Variants in FAM131B observed in about 807,000 individuals in gnomAD.
FAM131B encodes the protein protein FAM131B.
In FAM131B, 19 loss-of-function variants were observed where a neutral mutation model predicts 42.0. The observed-to-expected ratio is 0.45, with a 90% CI of 0.32 to 0.66. The LOEUF is 0.66. FAM131B is among the 30% of genes least tolerant of loss of function. FAM131B has a pLI of 0.05. For missense variants in FAM131B, 370 were observed against 468.4 expected (o/e 0.79, Z 1.94); for synonymous variants, 183 against 177.6 (o/e 1.03, Z -0.24).
At chr7:143,362,765 T>TCGCCGC (rs559900593), upstream of FAM131B, 69 of 237,842 alleles carry the variant, frequency 2.9e-4, no homozygotes, top group South Asian at 6.1e-4. This position sits in a 1 kb window ranked among gnomAD's most constrained non-coding sequence, Gnocchi z 7.7. Context: ...GGCAGCTCCG[T>TCGCCGC]CGCCGCCGCC....
Position 143,358,465 on chromosome 7 carries a change from G to A in FAM131B, c.466+362C>T, listed in dbSNP as rs1803790325. Among the ~76,000 whole-genome samples, 1 of 152,152 alleles carries A rather than the reference G, an allele frequency of 6.6e-6. No homozygotes were observed. Among genetic ancestry groups the A allele is most frequent in the African/African-American group, 2.4e-5 (1 of 41,410 alleles). ...CAAATTCATGACTCGAAATGCTAAAGGGCAAAGGCTAAAAGAGATCCCCAA... is the reference window on the plus strand; with the variant it reads ...CAAATTCATGACTCGAAATGCTAAAAGGCAAAGGCTAAAAGAGATCCCCAA... On this transcript the variant is annotated intron_variant, in intron 5 of 6. Coordinates refer to ENST00000443739, the MANE Select transcript of FAM131B (RefSeq NM_001031690.3). This position sits in a 1 kb window ranked among gnomAD's most constrained non-coding sequence, Gnocchi z 4.7.
chr7:143,359,074 A>G lies in FAM131B; in HGVS notation c.269-50T>C. ...TCCTCCAGAATATCACACAATACCC[A>G]TAACCAGACCCTCCCAGTTCCTCCC... On this transcript the variant is annotated intron_variant, in intron 4 of 6. Transcript: ENST00000443739. This position sits in a 1 kb window ranked among gnomAD's most constrained non-coding sequence, Gnocchi z 5.4. 2 of 1,566,708 alleles carry G rather than the reference A, an allele frequency of 1.3e-6. No individual in the cohort carries two copies. Among genetic ancestry groups the G allele is most frequent in the Non-Finnish European group, 1.7e-6 (2 of 1,147,662 alleles).
the FAM131B span, among the ~76,000 whole-genome samples, chr7:143,370,448 C>T: frequency 7.2e-5 from 11 of 152,120 alleles, no homozygotes; most frequent in East Asian, 3.9e-4. Flanking sequence ...TGTTCCCAGA[C>T]GGTTATGGCA....
At chr7:143,370,450 G>C in the FAM131B span, among the ~76,000 whole-genome samples, 1 of 152,162 alleles carries the variant, frequency 6.6e-6, no homozygotes, top group Non-Finnish European at 1.5e-5. Context: ...TTCCCAGACG[G>C]TTATGGCATT....
the FAM131B span, among the ~76,000 whole-genome samples, chr7:143,370,875 G>C: frequency 6.6e-6 from 1 of 152,096 alleles, no homozygotes. Flanking sequence ...CCCTCTCTTG[G>C]GGTCTGGATT....
the FAM131B span, among the ~76,000 whole-genome samples, chr7:143,378,362 G>A: frequency 6.6e-6 from 1 of 152,140 alleles, no homozygotes; most frequent in African/African-American, 2.4e-5. Flanking sequence ...ATCCTTGGAG[G>A]CGCGTGAAGA....
chr7:143,381,464 G>A, the FAM131B span: 4 of 1,312,502 alleles, frequency 3.0e-6, no homozygotes, highest in African/African-American at 4.7e-5. Flanking sequence ...CGGGGCGCCG[G>A]GAGGGGGCGA....
In FAM131B at chr7:143,359,098, C is replaced by A; in HGVS notation, c.269-74G>T. 1 of 1,448,948 alleles carries A rather than the reference C, an allele frequency of 6.9e-7. No individual in the cohort carries two copies. The allele number at this position is 1,448,948 out of a possible 1,614,324, so 89.8% of individuals were successfully genotyped here. A position where few individuals can be genotyped will look rare whatever the true frequency, so the allele number is the denominator to read the frequency against. On this transcript the variant is annotated intron_variant, in intron 4 of 6. Coordinates refer to ENST00000443739, the MANE Select transcript of FAM131B (RefSeq NM_001031690.3). The surrounding 1 kb of genome is among the most constrained non-coding windows in gnomAD (Gnocchi z 5.4). Reference sequence around the variant, plus strand: ...CATAACCAGACCCTCCCAGTTCCTCCCACCCCAGCCCCATGAGGCTCCATC... The same window carrying A: ...CATAACCAGACCCTCCCAGTTCCTCACACCCCAGCCCCATGAGGCTCCATC...
chr7:143,381,659 G>T, the FAM131B span: 1 of 1,612,028 alleles, frequency 6.2e-7, no homozygotes, highest in Non-Finnish European at 8.5e-7. Flanking sequence ...CGGCCCTGTG[G>T]TGGCCCCAAA....
chr7:143,362,989 C>G (rs1804075672), upstream of FAM131B, among the ~76,000 whole-genome samples: 1 of 152,014 alleles, frequency 6.6e-6, no homozygotes, highest in African/African-American at 2.4e-5. The surrounding 1 kb of genome is among the most constrained non-coding windows in gnomAD (Gnocchi z 7.7). Flanking sequence ...TGGAGAACCC[C>G]GGCTTGGGTT....
chr7:143,356,491 T>C lies in FAM131B; in HGVS notation c.*59A>G. ...GCTGTACTGCTGGGGGGAGGGAGGG[T>C]ATGGGTCACAGCCATGGCCCTCAGG... On this transcript the variant is annotated 3_prime_UTR_variant, in exon 7 of 7. Coordinates refer to ENST00000443739, the MANE Select transcript of FAM131B (RefSeq NM_001031690.3). The surrounding 1 kb of genome is among the most constrained non-coding windows in gnomAD (Gnocchi z 4.4). The C allele has an allele frequency of 2.4e-6, 3 of 1,275,432 alleles. No individual in the cohort carries two copies. Among genetic ancestry groups the C allele is most frequent in the Non-Finnish European group, 2.3e-6 (2 of 888,842 alleles). The allele number at this position is 1,275,432 out of a possible 1,614,324, so 79.0% of individuals were successfully genotyped here.
the FAM131B span, among the ~76,000 whole-genome samples, chr7:143,376,776 C>T: frequency 3.9e-5 from 6 of 152,170 alleles, no homozygotes; most frequent in African/African-American, 9.7e-5. Flanking sequence ...AGCTGCAGGC[C>T]GAGTGCACAC....
chr7:143,356,540 G>C lies in FAM131B; in HGVS notation c.*10C>G, dbSNP rs1803661151. On this transcript the variant is annotated 3_prime_UTR_variant, in exon 7 of 7. Transcript: ENST00000443739. The surrounding 1 kb of genome is among the most constrained non-coding windows in gnomAD (Gnocchi z 4.4). ...GGTGGGAGTGGAAGGCAGGGCATTG[G>C]GGGAGGAAACTAGTTGTTGGCCTCG... is the stretch of plus-strand genomic sequence containing the variant. The C allele has an allele frequency of 6.2e-7, 1 of 1,601,122 alleles. No individual in the cohort carries two copies. The highest frequency in any genetic ancestry group is 8.6e-7 in the Non-Finnish European group (1 of 1,169,250).
At chr7:143,382,177 C>G in the FAM131B span, 1 of 1,301,076 alleles carries the variant, frequency 7.7e-7, no homozygotes, top group East Asian at 2.3e-5. Flanking sequence ...GGGGTTAGAG[C>G]GGTTAACTGA....
chr7:143,380,480 G>C, the FAM131B span: 5 of 985,402 alleles, frequency 5.1e-6, no homozygotes, highest in Non-Finnish European at 6.0e-6. This position sits in a 1 kb window ranked among gnomAD's most constrained non-coding sequence, Gnocchi z 5.0. Flanking sequence ...TTGAAGGGCC[G>C]TAAAAGACGA....
At chr7:143,361,259 G>C (rs115705367) in intron 1 of FAM131B, 3 of 153,092 alleles carry the variant, frequency 2.0e-5, no homozygotes, top group Non-Finnish European at 2.9e-5. Flanking sequence ...GGCTCCGCGG[G>C]GTGGTGACTG....
the FAM131B span, chr7:143,379,675 C>T: frequency 6.6e-6 from 1 of 152,320 alleles, no homozygotes; most frequent in Admixed American, 6.5e-5. Context: ...AATAATAATA[C>T]TGAGTCATAT....
chr7:143,364,748 C>T (rs190400927), upstream of FAM131B, among the ~76,000 whole-genome samples: 40 of 152,296 alleles, frequency 2.6e-4, no homozygotes, highest in Middle Eastern at 6.8e-3. Context: ...TACAAGGATT[C>T]TGCTACTTCT....
the FAM131B span, among the ~76,000 whole-genome samples, chr7:143,378,653 A>C: frequency 6.8e-6 from 1 of 146,972 alleles, no homozygotes. Context: ...GGCTCACTGC[A>C]ACTTCCGCCT....
Sources: allele counts gnomAD v4.1 joint callset (sites outside exome capture counted in the v4.1 genomes callset), GRCh38; gene constraint gnomAD v4.1.1; non-coding constraint Gnocchi (gnomAD v3.1); transcripts MANE v1.5; gene names NCBI Gene and HGNC (gene_info 2026-07-23, HGNC 2026-07-21).